CPNE4: variants seen among roughly 807,000 people sequenced by gnomAD.
CPNE4 encodes the protein copine-4.
Under a neutral mutation model 67.9 loss-of-function variants are expected in CPNE4, and 25 were observed. That is an observed-to-expected ratio of 0.37 (90% CI 0.27 to 0.51). The LOEUF is 0.51. Among genes scored for constraint, CPNE4 ranks in the 20% least tolerant of loss-of-function variants. CPNE4 has a pLI of 0.93. For synonymous variants in CPNE4, 242 were observed against 244.9 expected (o/e 0.99, Z 0.11); for missense variants, 464 against 690.8 (o/e 0.67, Z 3.68).
At chr3:131,778,645 G>A (rs986059684) in intron 2 of CPNE4, among the ~76,000 whole-genome samples, 4 of 152,064 alleles carry the variant, frequency 2.6e-5, no homozygotes, top group African/African-American at 7.2e-5. Context: ...GTGTGCCAAA[G>A]AGCAAGCTGG....
In CPNE4 at chr3:132,034,948, A is replaced by G; in HGVS notation, c.-383T>C. ...GGAGGAAGGAAAGGAGGGTGGCAGA[A>G]AGAGAAGGGGACGAGCGGGTGGCGG... On this transcript the variant is annotated 5_prime_UTR_variant, in exon 1 of 16. Transcript: ENST00000429747. 1 of 985,614 alleles carries G rather than the reference A, an allele frequency of 1.0e-6. No homozygotes were observed. Among genetic ancestry groups the G allele is most frequent in the Non-Finnish European group, 1.2e-6 (1 of 830,154 alleles). 61.1% of individuals were successfully genotyped at this position (985,614 alleles called of 1,614,324 possible). A position where few individuals can be genotyped will look rare whatever the true frequency, so the allele number is the denominator to read the frequency against.
At chr3:131,680,882 A>G (rs1359288940) in intron 6 of CPNE4, among the ~76,000 whole-genome samples, 1 of 152,112 alleles carries the variant, frequency 6.6e-6, no homozygotes, top group Admixed American at 6.6e-5. Context: ...TTTGTATCTT[A>G]GCTTAGCTAC....
In CPNE4 at chr3:131,573,732, C is replaced by T. The variant is rs73874123; in HGVS notation, c.927+1339G>A. 9.3e-3 allele frequency among the ~76,000 whole-genome samples: 1,416 copies of T among 152,142 alleles called. 19 individuals carry two copies. Among genetic ancestry groups the T allele is most frequent in the East Asian group, 0.054 (278 of 5,150 alleles). On this transcript the variant is annotated intron_variant, in intron 10 of 15. Coordinates refer to ENST00000429747, the MANE Select transcript of CPNE4 (RefSeq NM_130808.3). ...TACTTCCATATGGGTATGCTCAGAG[C>T]AGCAATGAGCCCACAGGACAGCTAG...
Position 131,606,407 on chromosome 3 carries a change from G to C in CPNE4, c.682-18825C>G, listed in dbSNP as rs555588174. Among the ~76,000 whole-genome samples the C allele has an allele frequency of 2.6e-4, 40 of 152,250 alleles. No homozygotes were observed. In the South Asian group the frequency reaches 8.3e-3, roughly 32 times the overall value. ...ATACATGAATGATCCACACAAAATA[G>C]TTTTGCTACTGCTATGTCCAAGCCA... On this transcript the variant is annotated intron_variant, in intron 7 of 15. Coordinates refer to ENST00000429747, the MANE Select transcript of CPNE4 (RefSeq NM_130808.3).
intron 1 of CPNE4, among the ~76,000 whole-genome samples, chr3:131,971,261 A>G (rs1313795039): frequency 2.0e-5 from 3 of 152,208 alleles, no homozygotes; most frequent in African/African-American, 7.2e-5. Context: ...CTAACACATA[A>G]TATGCAAGAC....
At chr3:131,991,841 A>G (rs2073181647) in intron 1 of CPNE4, among the ~76,000 whole-genome samples, 1 of 135,950 alleles carries the variant, frequency 7.4e-6, no homozygotes, top group African/African-American at 2.5e-5. Context: ...GCCATGTCCA[A>G]GCTGCTTCAG....
At chr3:131,617,431 T>A (rs1457984322) in intron 7 of CPNE4, among the ~76,000 whole-genome samples, 2 of 152,170 alleles carry the variant, frequency 1.3e-5, no homozygotes, top group African/African-American at 4.8e-5. Context: ...GGCAGATGGG[T>A]AGAGATCTTT....
intron 2 of CPNE4, among the ~76,000 whole-genome samples, chr3:131,858,811 A>G (rs1042625552): frequency 3.3e-5 from 5 of 152,106 alleles, no homozygotes; most frequent in Non-Finnish European, 5.9e-5. Flanking sequence ...ACCAAAATCA[A>G]TCTTTACAAA....
chr3:131,975,030 TA>T (rs1406847016), intron 1 of CPNE4, among the ~76,000 whole-genome samples: 3 of 151,754 alleles, frequency 2.0e-5, no homozygotes, highest in South Asian at 2.1e-4. Flanking sequence ...AATAAATAAG[TA>T]AAGAGAAATA....
chr3:131,796,714 G>A (rs1056099941), intron 2 of CPNE4, among the ~76,000 whole-genome samples: 1 of 152,140 alleles, frequency 6.6e-6, no homozygotes, highest in African/African-American at 2.4e-5. Flanking sequence ...TTCCCAAGGT[G>A]CTTCCGTTCC....
intron 2 of CPNE4, among the ~76,000 whole-genome samples, chr3:131,840,159 G>A (rs1365721901): frequency 1.3e-5 from 2 of 152,254 alleles, no homozygotes; most frequent in Admixed American, 1.3e-4. Context: ...AGCATAGTCA[G>A]CCTTATATCT....
At chr3:131,906,337 C>T (rs545554073) in intron 1 of CPNE4, among the ~76,000 whole-genome samples, 3,345 of 151,084 alleles carry the variant, frequency 0.022, 51 homozygotes, top group Non-Finnish European at 0.036. Flanking sequence ...TGTGCCATGC[C>T]GCTGTGCTGC....
At chr3:131,911,990 G>A (rs983288151) in intron 1 of CPNE4, among the ~76,000 whole-genome samples, 11 of 152,084 alleles carry the variant, frequency 7.2e-5, no homozygotes, top group African/African-American at 2.7e-4. Flanking sequence ...CCAGAGAAGC[G>A]GAGTAAACAA....
intron 1 of CPNE4, among the ~76,000 whole-genome samples, chr3:132,009,116 T>C (rs1266033772): frequency 6.6e-6 from 1 of 152,228 alleles, no homozygotes; most frequent in Non-Finnish European, 1.5e-5. Flanking sequence ...TTCAGCAGAA[T>C]GCCTGTCTGG....
Position 131,717,239 on chromosome 3 carries a change from G to GTT in CPNE4, c.360+6205_360+6206dup, listed in dbSNP as rs373100862. ...TCCATGTAAAAAACACTCAACAAAG[G>GTT]TTTTTTTTTTTTTTCTTAAAGACAA... On this transcript the variant is annotated intron_variant, in intron 3 of 15. Transcript: ENST00000429747. Among the ~76,000 whole-genome samples the GTT allele has an allele frequency of 4.6e-4, 66 of 143,360 alleles. No individual in the cohort carries two copies. In the East Asian group the frequency reaches 8.0e-3, roughly 17 times the overall value. The allele number at this position is 143,360 out of a possible 152,430, so 94.0% of individuals were successfully genotyped here. A position where few individuals can be genotyped will look rare whatever the true frequency, so the allele number is the denominator to read the frequency against.
intron 1 of CPNE4, among the ~76,000 whole-genome samples, chr3:131,945,796 AC>A: frequency 6.6e-6 from 1 of 152,174 alleles, no homozygotes; most frequent in Non-Finnish European, 1.5e-5. Context: ...AATATGATAC[AC>A]TGAGTCAAGT....
At chr3:131,625,853 G>A (rs1304364682) in intron 7 of CPNE4, among the ~76,000 whole-genome samples, 3 of 152,156 alleles carry the variant, frequency 2.0e-5, no homozygotes, top group Non-Finnish European at 4.4e-5. Context: ...CCTGTTTTGA[G>A]TAAGTCTATC....
intron 2 of CPNE4, among the ~76,000 whole-genome samples, chr3:131,734,705 C>T (rs1162036478): frequency 8.6e-5 from 13 of 152,026 alleles, no homozygotes; most frequent in East Asian, 7.7e-4. Flanking sequence ...GGACAAATAG[C>T]GAGACCTTGT....
At chr3:131,750,615 A>T (rs1201946100) in intron 2 of CPNE4, among the ~76,000 whole-genome samples, 1 of 152,124 alleles carries the variant, frequency 6.6e-6, no homozygotes, top group African/African-American at 2.4e-5. Context: ...ATTGTCTTAA[A>T]TATTTTCTCT....
Sources: allele counts gnomAD v4.1 joint callset (sites outside exome capture counted in the v4.1 genomes callset), GRCh38; gene constraint gnomAD v4.1.1; transcripts MANE v1.5; gene names NCBI Gene and HGNC (gene_info 2026-07-23, HGNC 2026-07-21).